Variants in BIRC3 observed in about 807,000 individuals in gnomAD.
BIRC3 encodes baculoviral IAP repeat-containing protein 3.
BIRC3 carries 26 observed loss-of-function variants against 59.0 expected under a neutral mutation model. That is an observed-to-expected ratio of 0.44 (90% CI 0.32 to 0.61). The LOEUF is 0.61. Among genes scored for constraint, BIRC3 ranks in the 20% least tolerant of loss-of-function variants. BIRC3 has a pLI of 0.04. For synonymous variants in BIRC3, 243 were observed against 249.2 expected (o/e 0.98, Z 0.24); for missense variants, 641 against 711.5 (o/e 0.90, Z 1.13).
chr11:102,320,257 T>TTC (rs919668060), intron 1 of BIRC3: 18 of 152,020 alleles, frequency 1.2e-4, no homozygotes, highest in Middle Eastern at 6.8e-3. Context: ...GTGTCTCTCT[T>TTC]TCTCTCTCTC....
At chr11:102,326,880 T>C (rs1951088162) in intron 3 of BIRC3, 4 of 419,008 alleles carry the variant, frequency 9.5e-6, no homozygotes, top group South Asian at 5.0e-5. Context: ...AGCTAATTTT[T>C]GTATTTTTGT....
Position 102,321,929 on chromosome 11 carries a change from A to G in BIRC3, c.-2581A>G. 5.3e-6 allele frequency: 1 copy of G among 188,612 alleles called. No homozygotes were observed. The highest frequency in any genetic ancestry group is 1.1e-5 in the Non-Finnish European group (1 of 89,526). The allele number at this position is 188,612 out of a possible 1,614,324, so 11.7% of individuals were successfully genotyped here. ...TCAAAATGGAGACCTAAAATCCTTAAAGGGACTTAGTCTAATCTCGGGAGG... is the reference window on the plus strand; with the variant it reads ...TCAAAATGGAGACCTAAAATCCTTAGAGGGACTTAGTCTAATCTCGGGAGG... On this transcript the variant is annotated 5_prime_UTR_variant, in exon 2 of 9. Transcript: ENST00000263464.
rs1191805706 is a variant in BIRC3 at position 102,323,445 on chromosome 11, AC to A, written c.-1064del. 4.2e-5 allele frequency: 8 copies of A among 188,850 alleles called. No homozygotes were observed. Among genetic ancestry groups the A allele is most frequent in the Non-Finnish European group, 8.9e-5 (8 of 89,804 alleles). The allele number at this position is 188,850 out of a possible 1,614,324, so 11.7% of individuals were successfully genotyped here. On this transcript the variant is annotated 5_prime_UTR_variant, in exon 2 of 9. Transcript: ENST00000263464. ...CCAAGTATACTATTAGAATAAAAAA[AC>A]TTAACATTGAGTTGCTTCAACAGCA...
chr11:102,331,520 G>A (rs752493791), intron 6 of BIRC3, among the ~76,000 whole-genome samples: 1 of 151,780 alleles, frequency 6.6e-6, no homozygotes, highest in Non-Finnish European at 1.5e-5. Flanking sequence ...GTCCAATTAT[G>A]CATTCATGGC....
Position 102,338,493 on chromosome 11 carries a change from T to C in BIRC3, c.*1391T>C, listed in dbSNP as rs1283897136. 1 of 229,298 alleles carries C rather than the reference T, an allele frequency of 4.4e-6. No individual in the cohort carries two copies. Among genetic ancestry groups the C allele is most frequent in the Non-Finnish European group, 8.6e-6 (1 of 115,662 alleles). The allele number at this position is 229,298 out of a possible 1,614,324, so 14.2% of individuals were successfully genotyped here. The stretch of plus-strand genomic sequence containing the variant: ...CAAAATTACAGGGGAAACTGTGCAT[T>C]TTTATGCTTAGGTTTGATAATGAAT... On this transcript the variant is annotated 3_prime_UTR_variant, in exon 9 of 9. Transcript: ENST00000263464.
intron 2 of BIRC3, 44 bp downstream of exon 2, chr11:102,325,406 T>C: frequency 1.3e-6 from 2 of 1,585,738 alleles, no homozygotes; most frequent in Non-Finnish European, 1.7e-6. Context: ...TATTTCATTT[T>C]ATACATTTTA....
intron 1 of BIRC3, 149 bp from the exon 2 acceptor site, chr11:102,321,688 A>T (rs1456300594): frequency 6.3e-6 from 1 of 158,970 alleles, no homozygotes; most frequent in African/African-American, 2.4e-5. Flanking sequence ...TTTGGCCTCT[A>T]CAGTGCCTAG....
chr11:102,326,781 C>T lies in BIRC3; in HGVS notation c.953+1216C>T, dbSNP rs371609492. On this transcript the variant is annotated intron_variant, in intron 3 of 8. Transcript: ENST00000263464. ...GGAGTGCGATGGTGTGATGTCAGCT[C>T]ACTGCAACCTCCGCCTCTTGGGTTC... 26 of 454,680 alleles carry T rather than the reference C, an allele frequency of 5.7e-5. 1 individual carries two copies. The East Asian group carries it at 1.0e-3, about 18-fold the overall frequency. The allele number at this position is 454,680 out of a possible 1,614,324, so 28.2% of individuals were successfully genotyped here. A position where few individuals can be genotyped will look rare whatever the true frequency, so the allele number is the denominator to read the frequency against.
In BIRC3 at chr11:102,336,787, C is replaced by T; in HGVS notation, c.1607C>T (p.Thr536Ile). Reference sequence around the variant, plus strand: ...CAACAGGACATAAAATATATTCCCACAGAAGATGTTTCAGGTAATAGTACT... The same window carrying T: ...CAACAGGACATAAAATATATTCCCATAGAAGATGTTTCAGGTAATAGTACT... ...FVQQDIKYIP[T>I]EDVSDLPVEE... Residue 536 changes from threonine to isoleucine, a missense_variant, in exon 8 of 9, where the codon ACA (threonine) becomes ATA (isoleucine). By Grantham distance (89) the Thr-to-Ile change is moderately conservative (BLOSUM62 -1). Around this residue, in one of 4 missense-constraint regions of BIRC3, gnomAD observed 268 missense variants for 255.7 expected, o/e 1.05. Transcript: ENST00000263464. The T allele has an allele frequency of 6.2e-7, 1 of 1,607,514 alleles. No homozygotes were observed.
intron 6 of BIRC3, among the ~76,000 whole-genome samples, chr11:102,333,450 G>C (rs1951164902): frequency 1.3e-5 from 2 of 151,768 alleles, no homozygotes; most frequent in African/African-American, 4.8e-5. Context: ...TGTAGTCCCA[G>C]CTCTACTCAG....
chr11:102,320,108 A>G (rs1258191349), intron 1 of BIRC3: 2 of 152,010 alleles, frequency 1.3e-5, no homozygotes, highest in East Asian at 1.9e-4. Context: ...ATCTCAAGTT[A>G]TCTGCTTTCC....
chr11:102,323,896 T>G lies in BIRC3; in HGVS notation c.-614T>G, dbSNP rs555775050. On this transcript the variant is annotated 5_prime_UTR_variant, in exon 2 of 9. Coordinates refer to ENST00000263464, the MANE Select transcript of BIRC3 (RefSeq NM_001165.5). ...TCATTAATTATGAAATACTTCTTGA[T>G]AACAGAAGTTTTAAAATAGCCATCT... The G allele has an allele frequency of 4.9e-6, 1 of 202,872 alleles. No individual in the cohort carries two copies. 12.6% of individuals were successfully genotyped at this position (202,872 alleles called of 1,614,324 possible).
Position 102,331,124 on chromosome 11 carries a change from A to AT in BIRC3, c.1208dup (p.Leu404ProfsTer8). The AT allele has an allele frequency of 6.2e-7, 1 of 1,613,854 alleles. No individual in the cohort carries two copies. Among genetic ancestry groups the AT allele is most frequent in the Non-Finnish European group, 8.5e-7 (1 of 1,179,866 alleles). On this transcript the variant is annotated frameshift_variant, in exon 6 of 9. Coordinates refer to ENST00000263464, the MANE Select transcript of BIRC3 (RefSeq NM_001165.5). LOFTEE classifies it high-confidence loss of function. Reference sequence around the variant, plus strand: ...GGTAAAACAGACAGTTCAGAGAAAAATCCTAGCAACTGGAGAGAATTATAG... The same window carrying AT: ...GGTAAAACAGACAGTTCAGAGAAAAATTCCTAGCAACTGGAGAGAATTATAG...
intron 6 of BIRC3, among the ~76,000 whole-genome samples, chr11:102,331,573 G>A (rs1166289360): frequency 6.6e-6 from 1 of 151,070 alleles, no homozygotes; most frequent in Non-Finnish European, 1.5e-5. Flanking sequence ...AATCCTTGTT[G>A]CATCATGGCA....
chr11:102,320,217 T>C (rs186356272), intron 1 of BIRC3: 1 of 152,058 alleles, frequency 6.6e-6, no homozygotes, highest in African/African-American at 2.4e-5. Flanking sequence ...CAAACTCAAA[T>C]GGAGGTGATA....
At chr11:102,334,319 T>G (rs893014261) in intron 6 of BIRC3, among the ~76,000 whole-genome samples, 1 of 152,218 alleles carries the variant, frequency 6.6e-6, no homozygotes, top group African/African-American at 2.4e-5. Context: ...GATTGTTCAT[T>G]TGTTCAACAG....
In BIRC3 at chr11:102,337,112, A is replaced by G. The variant is rs756150527; in HGVS notation, c.*10A>G. The G allele has an allele frequency of 1.1e-5, 16 of 1,479,094 alleles. No individual in the cohort carries two copies. 91.6% of individuals were successfully genotyped at this position (1,479,094 alleles called of 1,614,324 possible). ...TACATTTCTTTCATGAAGAAGAACC[A>G]AAACATCGTCTAAACTTTAGAATTA... is the stretch of plus-strand genomic sequence containing the variant. On this transcript the variant is annotated 3_prime_UTR_variant, in exon 9 of 9. Transcript: ENST00000263464.
At position 102,322,501 on chromosome 11, in the gene BIRC3, A is replaced by G. The variant is rs1591519311; in HGVS notation, c.-2009A>G. The G allele has an allele frequency of 4.9e-6, 1 of 205,750 alleles. No homozygotes were observed. Among genetic ancestry groups the G allele is most frequent in the Admixed American group, 6.0e-5 (1 of 16,780 alleles). 12.7% of individuals were successfully genotyped at this position (205,750 alleles called of 1,614,324 possible). On this transcript the variant is annotated 5_prime_UTR_variant, in exon 2 of 9. It removes an upstream start codon present in the reference 5' UTR. Coordinates refer to ENST00000263464, the MANE Select transcript of BIRC3 (RefSeq NM_001165.5). ...ACCGCTGAGAATGATGAGGATGAGA[A>G]TGATGGTTGAAGGTTACATTTTAGG...
chr11:102,325,013 C>T lies in BIRC3; in HGVS notation c.504C>T (p.Asn168=), dbSNP rs756442934. The change falls in exon 2 of 9, where the codon AAC becomes AAT. Residue 168 remains asparagine, a synonymous_variant. Transcript: ENST00000263464. The part of the protein sequence containing the change: ...MRSSYHCAMN[N]ENARLLTFQT... ...GTTCCTACCACTGTGCAATGAATAA[C>T]GAAAATGCCAGATTACTTACTTTTC... 5.3e-5 allele frequency: 86 copies of T among 1,614,038 alleles called. No individual in the cohort carries two copies. The South Asian group carries it at 8.9e-4, about 17-fold the overall frequency.
Sources: allele counts gnomAD v4.1 joint callset (sites outside exome capture counted in the v4.1 genomes callset), GRCh38; gene constraint gnomAD v4.1.1; regional missense constraint gnomAD v4.1.1; transcripts MANE v1.5; gene names NCBI Gene and HGNC (gene_info 2026-07-23, HGNC 2026-07-21).